Variants in PRORP observed in about 807,000 individuals in gnomAD.
PRORP encodes protein only RNase P catalytic subunit.
PRORP carries 51 observed loss-of-function variants against 59.4 expected under a neutral mutation model. The ratio of observed to expected loss-of-function variants is 0.86; its 90% confidence interval spans 0.69 to 1.08. PRORP has a LOEUF of 1.08. Among genes scored for constraint, PRORP ranks in the 50% least tolerant of loss-of-function variants. The probability of loss-of-function intolerance (pLI) is 0.00; values close to 1 mark genes in which losing one functional copy is unlikely to be tolerated. For missense variants in PRORP, 646 were observed against 690.3 expected (o/e 0.94, Z 0.72); for synonymous variants, 231 against 245.6 (o/e 0.94, Z 0.55).
intron 4 of PRORP, among the ~76,000 whole-genome samples, chr14:35,131,698 T>G (rs2047243690): frequency 6.6e-6 from 1 of 151,476 alleles, no homozygotes. Context: ...CCAGCTAATT[T>G]TTATATTTTT....
rs777337002 is a variant in PRORP at position 35,161,117 on chromosome 14, G to A, written c.1168-19553G>A. Among the ~76,000 whole-genome samples, 37 of 152,276 alleles carry A rather than the reference G, an allele frequency of 2.4e-4. 1 individual carries two copies. The Middle Eastern group carries it at 0.014, about 56-fold the overall frequency. On this transcript the variant is annotated intron_variant, in intron 4 of 7. Transcript: ENST00000534898. ...CAGTCAGGAACAGGAAGCAGGCAAA[G>A]TTACTTTCCTGGTATCCAGTGTTAA...
chr14:35,135,682 G>T, intron 4 of PRORP, among the ~76,000 whole-genome samples: 1 of 152,108 alleles, frequency 6.6e-6, no homozygotes, highest in East Asian at 1.9e-4. Context: ...TAAGCAGGCC[G>T]GGCATAGTGG....
intron 4 of PRORP, among the ~76,000 whole-genome samples, chr14:35,128,689 T>C (rs2047158549): frequency 6.6e-6 from 1 of 152,170 alleles, no homozygotes; most frequent in Admixed American, 6.5e-5. Flanking sequence ...AATGTCTTCT[T>C]TTTCATCTCT....
intron 6 of PRORP, among the ~76,000 whole-genome samples, chr14:35,268,666 G>A (rs897137902): frequency 6.6e-6 from 1 of 152,144 alleles, no homozygotes; most frequent in African/African-American, 2.4e-5. Context: ...CACAATCTTT[G>A]CTCATGGCAA....
At position 35,276,360 on chromosome 14, in the gene PRORP, G is replaced by C. The variant is rs2138693721; in HGVS notation, c.*2794G>C. 6.6e-6 allele frequency: 1 copy of C among 152,260 alleles called. No individual in the cohort carries two copies. The allele number at this position is 152,260 out of a possible 1,614,324, so 9.4% of individuals were successfully genotyped here. A position where few individuals can be genotyped will look rare whatever the true frequency, so the allele number is the denominator to read the frequency against. ...GGAACAGGGGTGTACCTCTTTTAAG[G>C]GCCCAAGTATCCTGAATGGCTCAGC... On this transcript the variant is annotated 3_prime_UTR_variant, in exon 8 of 8. Transcript: ENST00000534898.
intron 5 of PRORP, among the ~76,000 whole-genome samples, chr14:35,238,537 C>T (rs1390365814): frequency 1.3e-5 from 2 of 152,052 alleles, no homozygotes; most frequent in Admixed American, 1.3e-4. Flanking sequence ...AAAGTGATGA[C>T]AGTGGAATCT....
At chr14:35,139,050 C>T (rs564441108) in intron 4 of PRORP, among the ~76,000 whole-genome samples, 1 of 145,726 alleles carries the variant, frequency 6.9e-6, no homozygotes, top group African/African-American at 2.4e-5. Flanking sequence ...CTCAGCCTCC[C>T]GAAGTGCTGG....
intron 4 of PRORP, among the ~76,000 whole-genome samples, chr14:35,174,217 A>G (rs1181547552): frequency 4.1e-5 from 4 of 98,362 alleles, no homozygotes; most frequent in Non-Finnish European, 6.6e-5. Flanking sequence ...AAAACTACCA[A>G]ACCTTCAAAT....
At chr14:35,186,635 C>T (rs777386556) in intron 5 of PRORP, among the ~76,000 whole-genome samples, 1 of 151,362 alleles carries the variant, frequency 6.6e-6, no homozygotes, top group Non-Finnish European at 1.5e-5. Flanking sequence ...TTGTGTTGCC[C>T]AAGCTGGAGG....
At chr14:35,205,108 C>T (rs1005478383) in intron 5 of PRORP, among the ~76,000 whole-genome samples, 2 of 152,246 alleles carry the variant, frequency 1.3e-5, no homozygotes, top group African/African-American at 4.8e-5. Flanking sequence ...CTTAATGATA[C>T]TATTATTTTC....
intron 5 of PRORP, among the ~76,000 whole-genome samples, chr14:35,241,676 G>A (rs567786790): frequency 6.6e-6 from 1 of 152,150 alleles, no homozygotes; most frequent in African/African-American, 2.4e-5. Flanking sequence ...CCAAGATCCT[G>A]TGTGCCTTAT....
intron 5 of PRORP, among the ~76,000 whole-genome samples, chr14:35,182,472 C>T (rs577182133): frequency 6.6e-6 from 1 of 151,886 alleles, no homozygotes; most frequent in Non-Finnish European, 1.5e-5. Flanking sequence ...TGGTGAAACC[C>T]CATCTCTACT....
intron 5 of PRORP, among the ~76,000 whole-genome samples, chr14:35,187,463 A>C (rs2048769157): frequency 7.0e-6 from 1 of 142,484 alleles, no homozygotes; most frequent in Non-Finnish European, 1.5e-5. Context: ...TCTCACTGTC[A>C]CCGAAGCTGG....
chr14:35,239,131 G>A (rs544759578), intron 5 of PRORP, among the ~76,000 whole-genome samples: 75 of 152,026 alleles, frequency 4.9e-4, no homozygotes, highest in Admixed American at 2.2e-3. Flanking sequence ...CGAGGCGGGC[G>A]GATCTCTTGA....
chr14:35,215,956 C>T (rs111548414), intron 5 of PRORP, among the ~76,000 whole-genome samples: 5 of 151,102 alleles, frequency 3.3e-5, no homozygotes, highest in Non-Finnish European at 7.4e-5. Context: ...TAGTAGAGAC[C>T]GGGTTTCACC....
At chr14:35,206,465 G>GT (rs1376768614) in intron 5 of PRORP, among the ~76,000 whole-genome samples, 1 of 152,134 alleles carries the variant, frequency 6.6e-6, no homozygotes, top group African/African-American at 2.4e-5. Flanking sequence ...TGGGACTTCT[G>GT]TTTTAATTAC....
intron 5 of PRORP, among the ~76,000 whole-genome samples, chr14:35,212,971 C>A (rs1034998211): frequency 6.6e-6 from 1 of 152,222 alleles, no homozygotes; most frequent in African/African-American, 2.4e-5. Flanking sequence ...CTCACTGCAG[C>A]TTCTCCATCA....
intron 4 of PRORP, among the ~76,000 whole-genome samples, chr14:35,146,237 G>A (rs922590038): frequency 6.6e-6 from 1 of 151,956 alleles, no homozygotes; most frequent in African/African-American, 2.4e-5. Flanking sequence ...CTCCTTTCTG[G>A]AAAAGAAAAA....
chr14:35,174,568 A>G (rs1470769654), intron 4 of PRORP, among the ~76,000 whole-genome samples: 5 of 152,078 alleles, frequency 3.3e-5, no homozygotes, highest in Admixed American at 1.3e-4. Context: ...CTGAATCTTT[A>G]CCTCTCCAAA....
Sources: gnomAD v4.1 joint callset for allele counts (sites outside exome capture counted in the v4.1 genomes callset) on GRCh38, gnomAD v4.1.1 for gene constraint, MANE v1.5 for transcripts, NCBI Gene and HGNC (gene_info 2026-07-23, HGNC 2026-07-21) for gene names.